AGBL1: variants seen among roughly 807,000 people sequenced by gnomAD.
AGBL1 encodes cytosolic carboxypeptidase 4.
In AGBL1, 130 loss-of-function variants were observed where a neutral mutation model predicts 118.9. That is an observed-to-expected ratio of 1.09 (90% CI 0.95 to 1.26). The LOEUF is 1.26. AGBL1 is among the 50% of genes most tolerant of loss of function. The probability of loss-of-function intolerance (pLI) is 0.00; values close to 1 mark genes in which losing one functional copy is unlikely to be tolerated. For synonymous variants in AGBL1, 555 were observed against 478.9 expected (o/e 1.16, Z -2.08); for missense variants, 1,584 against 1,298.1 (o/e 1.22, Z -3.38).
intron 18 of AGBL1, among the ~76,000 whole-genome samples, chr15:86,434,818 A>G (rs1443741416): frequency 2.0e-5 from 3 of 152,206 alleles, no homozygotes; most frequent in Non-Finnish European, 2.9e-5. Context: ...GCAAAGCTTG[A>G]TTAAATGGAC....
At chr15:86,306,743 C>A (rs1008296635) in intron 17 of AGBL1, among the ~76,000 whole-genome samples, 1 of 152,092 alleles carries the variant, frequency 6.6e-6, no homozygotes, top group East Asian at 1.9e-4. Flanking sequence ...AACTTCCAAA[C>A]TGTTTTCCAT....
At chr15:86,510,014 C>T (rs1343149866) in intron 18 of AGBL1, among the ~76,000 whole-genome samples, 1 of 148,650 alleles carries the variant, frequency 6.7e-6, no homozygotes, top group Non-Finnish European at 1.5e-5. Flanking sequence ...ACCAGGAAAT[C>T]AAGGAAAAGG....
intron 22 of AGBL1, among the ~76,000 whole-genome samples, chr15:86,878,045 C>T (rs1330821401): frequency 6.6e-6 from 1 of 152,160 alleles, no homozygotes; most frequent in Admixed American, 6.5e-5. Context: ...TGTTCTGGAA[C>T]AGAAAATACC....
chr15:86,659,513 C>T (rs1310807642), intron 21 of AGBL1, among the ~76,000 whole-genome samples: 2 of 152,098 alleles, frequency 1.3e-5, no homozygotes, highest in African/African-American at 4.8e-5. Flanking sequence ...AACTGTTGCC[C>T]CTTTGCAGAA....
At chr15:86,945,244 T>TAAAAAAA (rs11326362) in intron 23 of AGBL1, among the ~76,000 whole-genome samples, 5 of 70,780 alleles carry the variant, frequency 7.1e-5, no homozygotes, top group East Asian at 4.2e-4. Flanking sequence ...ACCCCATCAC[T>TAAAAAAA]AAAAAAAAAA....
intron 3 of AGBL1, among the ~76,000 whole-genome samples, chr15:86,145,420 G>A (rs1005255675): frequency 6.6e-6 from 1 of 152,190 alleles, no homozygotes; most frequent in East Asian, 1.9e-4. Flanking sequence ...GGGCACTCAG[G>A]ACTCATGCAG....
intron 5 of AGBL1, among the ~76,000 whole-genome samples, chr15:86,193,449 G>A (rs2077753652): frequency 6.6e-6 from 1 of 152,160 alleles, no homozygotes; most frequent in South Asian, 2.1e-4. Context: ...GTGGCAAACT[G>A]AAGGTGTCAC....
At chr15:87,011,913 C>T (rs1177582431) in intron 24 of AGBL1, among the ~76,000 whole-genome samples, 2 of 151,964 alleles carry the variant, frequency 1.3e-5, no homozygotes, top group African/African-American at 4.8e-5. Flanking sequence ...AAAGAGTCAT[C>T]AAAGTTTTGA....
At chr15:86,591,305 A>G (rs759301291) in intron 21 of AGBL1, among the ~76,000 whole-genome samples, 37 of 152,302 alleles carry the variant, frequency 2.4e-4, no homozygotes, top group Middle Eastern at 3.4e-3. Flanking sequence ...CACACCAACC[A>G]CTGGACACCT....
At chr15:86,480,882 T>C (rs1293672560) in intron 18 of AGBL1, among the ~76,000 whole-genome samples, 2 of 152,040 alleles carry the variant, frequency 1.3e-5, no homozygotes, top group African/African-American at 4.8e-5. Flanking sequence ...TCTAGTCTGG[T>C]TGAAGCCTAG....
intron 22 of AGBL1, among the ~76,000 whole-genome samples, chr15:86,840,230 A>G (rs2079226256): frequency 6.6e-6 from 1 of 152,148 alleles, no homozygotes; most frequent in Non-Finnish European, 1.5e-5. Flanking sequence ...CTCTCTTAAC[A>G]CTTTAACTAG....
chr15:86,871,305 C>T (rs2079724415), intron 22 of AGBL1, among the ~76,000 whole-genome samples: 2 of 152,190 alleles, frequency 1.3e-5, no homozygotes, highest in African/African-American at 4.8e-5. Context: ...TCAAAAGGAT[C>T]AAGCTTGACC....
intron 21 of AGBL1, among the ~76,000 whole-genome samples, chr15:86,653,021 T>G (rs142541210): frequency 6.6e-6 from 1 of 152,332 alleles, no homozygotes. Flanking sequence ...TAGAGAATCC[T>G]TGTTATAGAC....
chr15:86,152,634 G>A (rs2077129134), intron 3 of AGBL1, among the ~76,000 whole-genome samples: 1 of 152,126 alleles, frequency 6.6e-6, no homozygotes, highest in African/African-American at 2.4e-5. Flanking sequence ...AACACCAAAA[G>A]CAATGGCAAC....
intron 18 of AGBL1, among the ~76,000 whole-genome samples, chr15:86,436,998 CTTTG>C (rs1246040238): frequency 6.7e-6 from 1 of 149,310 alleles, no homozygotes; most frequent in Non-Finnish European, 1.5e-5. Flanking sequence ...TTGAGCAGGA[CTTTG>C]TTTTTTTTTT....
chr15:86,542,759 A>G (rs992324902), intron 19 of AGBL1, among the ~76,000 whole-genome samples: 1 of 152,190 alleles, frequency 6.6e-6, no homozygotes, highest in Non-Finnish European at 1.5e-5. Flanking sequence ...GGAGGGATAC[A>G]TCAACCATCG....
At chr15:86,232,491 T>C (rs1305094934) in intron 6 of AGBL1, among the ~76,000 whole-genome samples, 1 of 152,236 alleles carries the variant, frequency 6.6e-6, no homozygotes, top group Admixed American at 6.5e-5. Flanking sequence ...GCAGCTTGCG[T>C]GTCTTGAAGG....
At chr15:86,405,250 G>C (rs1257513793) in intron 18 of AGBL1, among the ~76,000 whole-genome samples, 2 of 152,154 alleles carry the variant, frequency 1.3e-5, no homozygotes, top group African/African-American at 4.8e-5. Context: ...GGTGGCTCAT[G>C]CCTGTAATCC....
chr15:86,736,229 A>C (rs1407302685), intron 22 of AGBL1, among the ~76,000 whole-genome samples: 1 of 152,056 alleles, frequency 6.6e-6, no homozygotes, highest in African/African-American at 2.4e-5. Context: ...AAAATACAAA[A>C]ATTAGCTGGG....
Sources: allele counts gnomAD v4.1 joint callset (sites outside exome capture counted in the v4.1 genomes callset), GRCh38; gene constraint gnomAD v4.1.1; transcripts MANE v1.5; gene names NCBI Gene and HGNC (gene_info 2026-07-23, HGNC 2026-07-21).